NRXN1: variants seen among roughly 807,000 people sequenced by gnomAD.
The protein encoded by NRXN1 is neurexin 1.
Under a neutral mutation model 150.9 loss-of-function variants are expected in NRXN1, and 39 were observed. The ratio of observed to expected loss-of-function variants is 0.26; its 90% CI spans 0.20 to 0.34. The LOEUF is 0.34. Among genes scored for constraint, NRXN1 ranks in the 10% least tolerant of loss-of-function variants. NRXN1 has a pLI of 1.00. For missense variants in NRXN1, 1,815 were observed against 1,949.9 expected, an observed-to-expected ratio of 0.93 and a Z score of 1.30; for synonymous variants, 924 against 757.0, an observed-to-expected ratio of 1.22 and a Z score of -3.62.
chr2:50,402,305 A>T (rs1231843397), intron 17 of NRXN1, among the ~76,000 whole-genome samples: 1 of 151,952 alleles, frequency 6.6e-6, no homozygotes, highest in Non-Finnish European at 1.5e-5. Flanking sequence ...GTTTTTTTAA[A>T]TGGTAGACTT....
intron 5 of NRXN1, among the ~76,000 whole-genome samples, chr2:50,721,346 G>A (rs1445984803): frequency 6.6e-6 from 1 of 152,162 alleles, no homozygotes; most frequent in African/African-American, 2.4e-5. Context: ...TTTGTACTGG[G>A]CTCTAGAAAG....
chr2:50,481,529 C>G (rs180955501), intron 15 of NRXN1, among the ~76,000 whole-genome samples: 90 of 152,126 alleles, frequency 5.9e-4, no homozygotes, highest in African/African-American at 2.0e-3. Context: ...TTAGATACAG[C>G]AGTTACTTTT....
chr2:50,522,898 G>GGT (rs113500976), intron 12 of NRXN1, among the ~76,000 whole-genome samples: 1 of 150,154 alleles, frequency 6.7e-6, no homozygotes, highest in African/African-American at 2.5e-5. Context: ...TGCCCTGCTA[G>GGT]TTTTTTTGTA....
chr2:50,692,333 G>A (rs1692198562), intron 5 of NRXN1, among the ~76,000 whole-genome samples: 1 of 152,000 alleles, frequency 6.6e-6, no homozygotes, highest in African/African-American at 2.4e-5. Flanking sequence ...CTATTTTATT[G>A]TTACTTTGTG....
At chr2:50,562,092 A>G (rs944314069) in intron 8 of NRXN1, among the ~76,000 whole-genome samples, 1 of 152,178 alleles carries the variant, frequency 6.6e-6, no homozygotes, top group Admixed American at 6.5e-5. Context: ...CTTCCCATAT[A>G]CCAAGAAAAT....
chr2:50,787,354 G>A (rs1170352870), intron 5 of NRXN1, among the ~76,000 whole-genome samples: 1 of 152,028 alleles, frequency 6.6e-6, no homozygotes, highest in Admixed American at 6.6e-5. Context: ...GATGTCAGGA[G>A]TTCGAGACCA....
intron 21 of NRXN1, among the ~76,000 whole-genome samples, chr2:49,994,418 T>A (rs191152190): frequency 7.2e-5 from 11 of 152,298 alleles, no homozygotes; most frequent in African/African-American, 2.6e-4. Flanking sequence ...TTGTAAGGCA[T>A]TAAAGGAGTA....
chr2:50,350,453 A>T (rs1002268429), intron 17 of NRXN1, among the ~76,000 whole-genome samples: 3 of 152,206 alleles, frequency 2.0e-5, no homozygotes, highest in Admixed American at 2.0e-4. Flanking sequence ...AACAAGAAGG[A>T]AGCCAATAGT....
chr2:50,676,892 T>A (rs974810442), intron 5 of NRXN1, among the ~76,000 whole-genome samples: 1 of 152,156 alleles, frequency 6.6e-6, no homozygotes, highest in South Asian at 2.1e-4. Flanking sequence ...ACATAAAACA[T>A]TGATTAATCA....
chr2:50,642,553 A>C (rs78695979), intron 5 of NRXN1, among the ~76,000 whole-genome samples: 2,973 of 152,092 alleles, frequency 0.02, 94 homozygotes, highest in African/African-American at 0.068. Flanking sequence ...AGCTTGTAAA[A>C]AGTCCTTGAA....
chr2:50,626,981 A>G (rs1681209473), intron 5 of NRXN1, among the ~76,000 whole-genome samples: 1 of 151,922 alleles, frequency 6.6e-6, no homozygotes, highest in South Asian at 2.1e-4. Flanking sequence ...TGAATAATGA[A>G]CAGATATTCA....
chr2:51,026,431 A>T, intron 2 of NRXN1: 1 of 1,605,588 alleles, frequency 6.2e-7, no homozygotes. Context: ...TTGTCATGTA[A>T]CAGCACCGGC....
At chr2:50,631,974 T>C (rs965437157) in intron 5 of NRXN1, among the ~76,000 whole-genome samples, 3 of 152,010 alleles carry the variant, frequency 2.0e-5, no homozygotes, top group Non-Finnish European at 4.4e-5. Flanking sequence ...ATAAAGATTC[T>C]CTGCAAGAAA....
intron 17 of NRXN1, among the ~76,000 whole-genome samples, chr2:50,422,814 T>C (rs558718289): frequency 1.3e-5 from 2 of 152,270 alleles, no homozygotes; most frequent in East Asian, 1.9e-4. Flanking sequence ...AGAAGAAATA[T>C]ACAAGGCAGT....
chr2:50,681,520 G>C (rs1277105801), intron 5 of NRXN1, among the ~76,000 whole-genome samples: 2 of 152,208 alleles, frequency 1.3e-5, no homozygotes, highest in African/African-American at 4.8e-5. Context: ...GAACATCCTG[G>C]AGTCCCAGGC....
At chr2:50,425,011 T>A (rs1375420038) in intron 17 of NRXN1, among the ~76,000 whole-genome samples, 5 of 152,162 alleles carry the variant, frequency 3.3e-5, no homozygotes, top group Non-Finnish European at 7.3e-5. Context: ...AACAAGAGAC[T>A]GGACCTCAGA....
At chr2:50,879,589 T>C (rs1679122857) in intron 5 of NRXN1, among the ~76,000 whole-genome samples, 1 of 151,890 alleles carries the variant, frequency 6.6e-6, no homozygotes. Flanking sequence ...CATTAAGATC[T>C]AAAGGAAAAG....
chr2:50,308,353 A>G (rs2074841092), intron 17 of NRXN1, among the ~76,000 whole-genome samples: 1 of 152,088 alleles, frequency 6.6e-6, no homozygotes, highest in Non-Finnish European at 1.5e-5. Flanking sequence ...TTTTAGAGTC[A>G]GAGTGTTACT....
chr2:50,437,814 G>A (rs1166496658), intron 17 of NRXN1, among the ~76,000 whole-genome samples: 1 of 152,252 alleles, frequency 6.6e-6, no homozygotes, highest in Non-Finnish European at 1.5e-5. Flanking sequence ...CATGGATAAT[G>A]TCTGGGTGAA....
Sources: allele counts gnomAD v4.1 joint callset (sites outside exome capture counted in the v4.1 genomes callset), GRCh38; gene constraint gnomAD v4.1.1; transcripts MANE v1.5; gene names NCBI Gene and HGNC (gene_info 2026-07-23, HGNC 2026-07-21).